Variants in LRSAM1 observed in about 807,000 individuals in gnomAD.
The protein encoded by LRSAM1 is leucine rich repeat and sterile alpha motif containing 1.
A neutral mutation model predicts 118.1 loss-of-function variants in LRSAM1; 96 were observed. The ratio of observed to expected loss-of-function variants is 0.81; its 90% CI spans 0.69 to 0.96. LRSAM1 has a LOEUF of 0.96. Ranked by LOEUF, LRSAM1 falls within the 40% of genes least tolerant of loss-of-function variation. LRSAM1 has a pLI of 0.00. For synonymous variants in LRSAM1, 322 were observed against 364.2 expected (o/e 0.88, Z 1.32); for missense variants, 804 against 915.5 (o/e 0.88, Z 1.57).
At chr9:127,458,401 A>AC (rs1564251959) in intron 6 of LRSAM1, among the ~76,000 whole-genome samples, 1 of 150,836 alleles carries the variant, frequency 6.6e-6, no homozygotes, top group Non-Finnish European at 1.5e-5. Context: ...AAACAAAACA[A>AC]AACAAAACAA....
intron 10 of LRSAM1, 138 bp from the exon 11 acceptor site, chr9:127,473,663 C>T (rs981393533): frequency 2.7e-5 from 34 of 1,237,502 alleles, no homozygotes; most frequent in Non-Finnish European, 3.6e-5. Context: ...GTGAAAAACA[C>T]GAAGCGCCCA....
chr9:127,462,606 G>A (rs1834790482), intron 9 of LRSAM1, among the ~76,000 whole-genome samples: 1 of 152,238 alleles, frequency 6.6e-6, no homozygotes, highest in East Asian at 1.9e-4. Flanking sequence ...AAGAAAGAAT[G>A]CTGAATCCAG....
intron 5 of LRSAM1, among the ~76,000 whole-genome samples, chr9:127,457,030 G>T (rs1423746486): frequency 6.6e-6 from 1 of 152,220 alleles, no homozygotes; most frequent in African/African-American, 2.4e-5. Context: ...GAAGACGCTG[G>T]TGCTGGGAAG....
At chr9:127,466,202 G>C (rs868485620) in intron 9 of LRSAM1, among the ~76,000 whole-genome samples, 1 of 151,694 alleles carries the variant, frequency 6.6e-6, no homozygotes, top group Admixed American at 6.6e-5. Context: ...CCAGCTACTC[G>C]GGAGGCTGAG....
At chr9:127,490,575 A>G (rs1367681257) in intron 19 of LRSAM1, among the ~76,000 whole-genome samples, 1 of 152,190 alleles carries the variant, frequency 6.6e-6, no homozygotes, top group African/African-American at 2.4e-5. Context: ...GAGGCATCCC[A>G]GAGAAAGGGA....
At chr9:127,459,584 T>C (rs1271336975) in intron 7 of LRSAM1, among the ~76,000 whole-genome samples, 1 of 151,648 alleles carries the variant, frequency 6.6e-6, no homozygotes, top group Admixed American at 6.6e-5. Context: ...TATTTTTTTT[T>C]TCTCACTCTT....
In LRSAM1 at chr9:127,457,299, C is replaced by G; in HGVS notation, c.175-17C>G. 6.2e-7 allele frequency: 1 copy of G among 1,613,900 alleles called. No homozygotes were observed. The highest frequency in any genetic ancestry group is 8.5e-7 in the Non-Finnish European group (1 of 1,180,008). ...GCTCTTCCTCAGCCCAGCATGGCCG[C>G]ACATCTCTCCACACAGGTGCTGATC... is the stretch of plus-strand genomic sequence containing the variant. On this transcript the variant is annotated splice_polypyrimidine_tract_variant and intron_variant, in intron 5 of 25. Transcript: ENST00000300417.
At chr9:127,457,473 G>T in intron 6 of LRSAM1, 80 bp downstream of exon 6, 1 of 1,325,802 alleles carries the variant, frequency 7.5e-7, no homozygotes. Context: ...CTTTTGGGCT[G>T]CCTCTTGCAT....
In LRSAM1 at chr9:127,501,106, T is replaced by C. The variant is rs748185533; in HGVS notation, c.2009T>C (p.Val670Ala). The C allele has an allele frequency of 8.4e-5, 135 of 1,613,464 alleles. No individual in the cohort carries two copies. The highest frequency in any genetic ancestry group is 1.0e-4 in the Non-Finnish European group (123 of 1,179,960). ...RPSAPPAELE[V>A]QASECVVCLE... ...TCCGCTCCCCCTGCAGAGCTGGAGG[T>C]GCAGGCCTCAGAGTGTGTCGTGTGC... Residue 670 changes from valine (V) to alanine (A), a missense_variant, in exon 25 of 26, where the codon GTG becomes GCG. Coordinates refer to ENST00000300417, the MANE Select transcript of LRSAM1 (RefSeq NM_001005373.4).
At chr9:127,454,894 C>A in intron 3 of LRSAM1, 104 bp from the exon 4 acceptor site, 1 of 1,135,198 alleles carries the variant, frequency 8.8e-7, no homozygotes, top group Non-Finnish European at 1.3e-6. Context: ...CAGATAGTGT[C>A]TATGGTCCTT....
intron 14 of LRSAM1, 122 bp downstream of exon 14, chr9:127,480,100 A>T: frequency 7.3e-7 from 1 of 1,374,818 alleles, no homozygotes; most frequent in Non-Finnish European, 1.0e-6. Flanking sequence ...CCTTGTCAGG[A>T]TCCAGTCTGG....
At chr9:127,499,525 T>C (rs1426866848) in intron 24 of LRSAM1, among the ~76,000 whole-genome samples, 1 of 91,666 alleles carries the variant, frequency 1.1e-5, no homozygotes, top group Non-Finnish European at 2.5e-5. Flanking sequence ...AGCAAGACCC[T>C]GTCTAAAAAA....
intron 16 of LRSAM1, among the ~76,000 whole-genome samples, chr9:127,484,696 T>C (rs1054333483): frequency 1.7e-4 from 26 of 152,154 alleles, no homozygotes; most frequent in African/African-American, 6.3e-4. Context: ...TCAGTGGGAA[T>C]GTGGGTTGTT....
At chr9:127,481,157 A>G in intron 14 of LRSAM1, 26 bp from the exon 15 acceptor site, 3 of 1,613,884 alleles carry the variant, frequency 1.9e-6, no homozygotes, top group Non-Finnish European at 1.7e-6. Context: ...GGTGACTGCC[A>G]GGACCTTTTA....
chr9:127,502,470 G>A (rs1167661549), intron 25 of LRSAM1, among the ~76,000 whole-genome samples: 1 of 151,826 alleles, frequency 6.6e-6, no homozygotes, highest in Non-Finnish European at 1.5e-5. Context: ...AGATCACTTG[G>A]GGTCAGGAGT....
rs1190388570 is a variant in LRSAM1, at chr9:127,465,359, A to G, written c.529-2381A>G. 1.3e-5 allele frequency among the ~76,000 whole-genome samples: 2 copies of G among 152,150 alleles called. No individual in the cohort carries two copies. The highest frequency in any genetic ancestry group is 2.9e-5 in the Non-Finnish European group (2 of 68,016). ...TGAAATGTGGTGACTGCAACCAACCATGGACTCAAACTTTAAATCAGATTT... is the reference window on the plus strand; with the variant it reads ...TGAAATGTGGTGACTGCAACCAACCGTGGACTCAAACTTTAAATCAGATTT... On this transcript the variant is annotated intron_variant, in intron 9 of 25. Coordinates refer to ENST00000300417, the MANE Select transcript of LRSAM1 (RefSeq NM_001005373.4). The surrounding 1 kb of genome is among the most constrained non-coding windows in gnomAD (Gnocchi z 4.1).
chr9:127,471,250 G>A (rs190295735), intron 10 of LRSAM1, among the ~76,000 whole-genome samples: 15 of 152,024 alleles, frequency 9.9e-5, no homozygotes, highest in Admixed American at 3.9e-4. Context: ...AGGCCAAGGC[G>A]GGTGGATCGC....
chr9:127,455,544 G>A (rs775109275), intron 4 of LRSAM1, 32 bp from the exon 5 acceptor site: 43 of 1,612,288 alleles, frequency 2.7e-5, no homozygotes, highest in South Asian at 2.6e-4. Context: ...TGGCAGGAGG[G>A]GAGACACTTA....
At chr9:127,454,164 A>G (rs562957751) in intron 2 of LRSAM1, among the ~76,000 whole-genome samples, 2 of 149,014 alleles carry the variant, frequency 1.3e-5, no homozygotes, top group South Asian at 4.3e-4. Context: ...AGAAAGACGC[A>G]GCCCCTGCCT....
Sources: gnomAD v4.1 joint callset for allele counts (sites outside exome capture counted in the v4.1 genomes callset) on GRCh38, gnomAD v4.1.1 for gene constraint, Gnocchi (gnomAD v3.1) non-coding constraint, MANE v1.5 for transcripts, NCBI Gene and HGNC (gene_info 2026-07-23, HGNC 2026-07-21) for gene names.